Variants in GIT1 observed in about 807,000 individuals in gnomAD.
GIT1 encodes GIT ArfGAP 1, also known as ARF GTPase-activating protein GIT1.
GIT1 carries 14 observed loss-of-function variants against 91.7 expected under a neutral mutation model. The observed-to-expected ratio is 0.15, with a 90% CI of 0.10 to 0.24. GIT1 has a LOEUF of 0.24. GIT1 is among the 10% of genes least tolerant of loss of function. The probability of loss-of-function intolerance (pLI) is 1.00; values close to 1 mark genes in which losing one functional copy is unlikely to be tolerated. For synonymous variants in GIT1, 414 were observed against 418.2 expected, an observed-to-expected ratio of 0.99 and a Z score of 0.12; for missense variants, 717 against 1,024.9, an observed-to-expected ratio of 0.70 and a Z score of 4.10.
chr17:29,577,194 G>A lies in GIT1; in HGVS notation c.1035C>T (p.Ile345=), dbSNP rs368446832. The A allele has an allele frequency of 3.7e-6, 6 of 1,613,966 alleles. No individual in the cohort carries two copies. The highest frequency in any genetic ancestry group is 1.1e-5 in the South Asian group (1 of 91,084). Residue 345 remains isoleucine, a synonymous_variant, in exon 11 of 20, where the codon ATC becomes ATT. Transcript: ENST00000225394. ...TCCGCTTGGCCTCACTGAGAATGTC[G>A]ATGATCAAGGTGGCAAACTCTCGGG... ...FNAREFATLI[I]DILSEAKRRQ...
At chr17:29,577,990 C>T (rs1042560304) in intron 9 of GIT1, among the ~76,000 whole-genome samples, 9 of 152,224 alleles carry the variant, frequency 5.9e-5, no homozygotes, top group Admixed American at 5.9e-4. Context: ...GGCTGGAATC[C>T]GGCTGTGGCC....
chr17:29,575,750 A>G lies in GIT1; in HGVS notation c.1753-47T>C. On this transcript the variant is annotated intron_variant, in intron 16 of 19. Coordinates refer to ENST00000225394, the MANE Select transcript of GIT1 (RefSeq NM_014030.4). This position sits in a 1 kb window ranked among gnomAD's most constrained non-coding sequence, Gnocchi z 5.5. ...CTGTGAGCGCCGTGTTCCTGGACCC[A>G]CACTGCCCCTAGCCCACACGGCCCC... The G allele has an allele frequency of 6.3e-7, 1 of 1,599,338 alleles. No individual in the cohort carries two copies. Among genetic ancestry groups the G allele is most frequent in the Non-Finnish European group, 8.5e-7 (1 of 1,174,094 alleles).
At position 29,575,027 on chromosome 17, in the gene GIT1, C is replaced by G; in HGVS notation, c.2073+52G>C. On this transcript the variant is annotated intron_variant, in intron 19 of 19. Transcript: ENST00000225394. This position sits in a 1 kb window ranked among gnomAD's most constrained non-coding sequence, Gnocchi z 5.5. ...AGCGATCAGATGGGATTCTCCACGC[C>G]TGCCCCAGCTCGAGGCCCTCCCACT... The G allele has an allele frequency of 6.7e-7, 1 of 1,499,252 alleles. No homozygotes were observed. The highest frequency in any genetic ancestry group is 1.2e-5 in the South Asian group (1 of 81,790). 92.9% of individuals were successfully genotyped at this position (1,499,252 alleles called of 1,614,324 possible). A position where few individuals can be genotyped will look rare whatever the true frequency, so the allele number is the denominator to read the frequency against.
chr17:29,577,778 G>T, intron 9 of GIT1, 36 bp from the exon 10 acceptor site: 1 of 1,332,864 alleles, frequency 7.5e-7, no homozygotes, highest in Non-Finnish European at 1.1e-6. Flanking sequence ...CAGCCACGGT[G>T]GCCAGGCCCC....
chr17:29,589,414 G>C lies in GIT1; in HGVS notation c.-36C>G, dbSNP rs1300721385. The C allele has an allele frequency of 2.1e-6, 2 of 934,304 alleles. No homozygotes were observed. The highest frequency in any genetic ancestry group is 1.2e-4 in the East Asian group (1 of 8,674). The allele number at this position is 934,304 out of a possible 1,614,324, so 57.9% of individuals were successfully genotyped here. A position where few individuals can be genotyped will look rare whatever the true frequency, so the allele number is the denominator to read the frequency against. On this transcript the variant is annotated 5_prime_UTR_variant, in exon 1 of 20. Coordinates refer to ENST00000225394, the MANE Select transcript of GIT1 (RefSeq NM_014030.4). This position sits in a 1 kb window ranked among gnomAD's most constrained non-coding sequence, Gnocchi z 5.2. ...GACGCGGCCGCAGCCCTCTGGGCCA[G>C]CGTGGGGGGCGCGGGCGGCGGGCCC...
At chr17:29,585,625 C>T (rs2150852663) in intron 1 of GIT1, among the ~76,000 whole-genome samples, 1 of 152,272 alleles carries the variant, frequency 6.6e-6, no homozygotes, top group African/African-American at 2.4e-5. Context: ...AGGACACTGT[C>T]CTGGTCTGGG....
chr17:29,580,663 A>G lies in GIT1; in HGVS notation c.761+675T>C, dbSNP rs1040689382. Among the ~76,000 whole-genome samples the G allele has an allele frequency of 2.0e-5, 3 of 151,996 alleles. No individual in the cohort carries two copies. The East Asian group carries it at 5.8e-4, about 29-fold the overall frequency. On this transcript the variant is annotated intron_variant, in intron 7 of 19. Coordinates refer to ENST00000225394, the MANE Select transcript of GIT1 (RefSeq NM_014030.4). ...AAAGTTAGTCACATCCCTGAAGCCCACCCATCTTTTCAGCGAAGAGCAGAG... is the reference window on the plus strand; with the variant it reads ...AAAGTTAGTCACATCCCTGAAGCCCGCCCATCTTTTCAGCGAAGAGCAGAG...
At position 29,575,013 on chromosome 17, in the gene GIT1, G is replaced by A. The variant is rs772980806; in HGVS notation, c.2073+66C>T. On this transcript the variant is annotated intron_variant, in intron 19 of 19. Coordinates refer to ENST00000225394, the MANE Select transcript of GIT1 (RefSeq NM_014030.4). This position sits in a 1 kb window ranked among gnomAD's most constrained non-coding sequence, Gnocchi z 5.5. The stretch of plus-strand genomic sequence containing the variant: ...GTCTCCACCCAGGTAGCGATCAGAT[G>A]GGATTCTCCACGCCTGCCCCAGCTC... 3 of 1,479,314 alleles carry A rather than the reference G, an allele frequency of 2.0e-6. No individual in the cohort carries two copies. The highest frequency in any genetic ancestry group is 2.3e-5 in the East Asian group (1 of 43,646). 91.6% of individuals were successfully genotyped at this position (1,479,314 alleles called of 1,614,324 possible). A position where few individuals can be genotyped will look rare whatever the true frequency, so the allele number is the denominator to read the frequency against.
Position 29,581,493 on chromosome 17 carries a change from T to C in GIT1, c.719-113A>G. ...GGCACCCAGAAGTGTCAGGGGAAAG[T>C]GGGGAGGGCAGGCCACCCCCAAGAA... On this transcript the variant is annotated intron_variant, in intron 6 of 19. Transcript: ENST00000225394. The surrounding 1 kb of genome is among the most constrained non-coding windows in gnomAD (Gnocchi z 4.8). The C allele has an allele frequency of 3.3e-6, 3 of 904,590 alleles. No homozygotes were observed. The highest frequency in any genetic ancestry group is 5.5e-6 in the Non-Finnish European group (3 of 548,904). The allele number at this position is 904,590 out of a possible 1,614,324, so 56.0% of individuals were successfully genotyped here.
At chr17:29,586,538 C>G (rs1355638921) in intron 1 of GIT1, among the ~76,000 whole-genome samples, 3 of 152,194 alleles carry the variant, frequency 2.0e-5, no homozygotes, top group African/African-American at 7.2e-5. Flanking sequence ...CACACAAATT[C>G]TACCTCCATA....
In GIT1 at chr17:29,589,404, C is replaced by T; in HGVS notation, c.-26G>A. ...CCTCAGCGGCGACGCGGCCGCAGCC[C>T]TCTGGGCCAGCGTGGGGGGCGCGGG... is the stretch of plus-strand genomic sequence containing the variant. On this transcript the variant is annotated 5_prime_UTR_variant, in exon 1 of 20. Transcript: ENST00000225394. The surrounding 1 kb of genome is among the most constrained non-coding windows in gnomAD (Gnocchi z 5.2). The T allele has an allele frequency of 1.0e-6, 1 of 995,672 alleles. No homozygotes were observed. Among genetic ancestry groups the T allele is most frequent in the African/African-American group, 1.8e-5 (1 of 57,016 alleles). 61.7% of individuals were successfully genotyped at this position (995,672 alleles called of 1,614,324 possible).
At position 29,575,697 on chromosome 17, in the gene GIT1, G is replaced by A; in HGVS notation, c.1759C>T (p.Leu587Phe). The change falls in exon 17 of 20, where the codon CTT (leucine) becomes TTT (phenylalanine). Residue 587 changes from leucine to phenylalanine, a missense_variant. By Grantham distance (22) the Leu-to-Phe change is conservative. Transcript: ENST00000225394. This position sits in a 1 kb window ranked among gnomAD's most constrained non-coding sequence, Gnocchi z 5.5. The stretch of plus-strand genomic sequence containing the variant: ...TCGGCTCCACTGCCGTGGCGGGAAA[G>A]CTTGCTCTGGAGGGCGGAGGGAAGG... The part of the protein sequence containing the change: ...SQEGSRHTSK[L>F]SRHGSGADSD... The A allele has an allele frequency of 6.2e-7, 1 of 1,612,314 alleles. No homozygotes were observed.
chr17:29,577,049 T>G, intron 11 of GIT1, 53 bp from the exon 12 acceptor site: 3 of 1,607,246 alleles, frequency 1.9e-6, no homozygotes, highest in Non-Finnish European at 2.5e-6. Flanking sequence ...AACCCATCTC[T>G]CAGGTCACCA....
At chr17:29,588,391 T>C (rs928274286) in intron 1 of GIT1, among the ~76,000 whole-genome samples, 3 of 152,164 alleles carry the variant, frequency 2.0e-5, no homozygotes, top group East Asian at 3.8e-4. Flanking sequence ...CTTGGATCAT[T>C]ACCCCTGACT....
rs1327497422 is a variant in GIT1 at position 29,574,152 on chromosome 17, G to GTGTT, written c.*546_*549dup. 3.3e-5 allele frequency: 5 copies of GTGTT among 152,466 alleles called. No homozygotes were observed. The highest frequency in any genetic ancestry group is 9.6e-5 in the African/African-American group (4 of 41,520). 9.4% of individuals were successfully genotyped at this position (152,466 alleles called of 1,614,324 possible). A position where few individuals can be genotyped will look rare whatever the true frequency, so the allele number is the denominator to read the frequency against. On this transcript the variant is annotated 3_prime_UTR_variant, in exon 20 of 20. Coordinates refer to ENST00000225394, the MANE Select transcript of GIT1 (RefSeq NM_014030.4). ...AGAAAAAAAAAAAACAGACTTTCCA[G>GTGTT]TGTTTGCTGCTGGGGACCCCAGCAC...
Position 29,576,932 on chromosome 17 carries a change from C to T in GIT1, c.1158G>A (p.Val386=). The change falls in exon 12 of 20, where the codon GTG becomes GTA. Residue 386 remains valine (V), a synonymous_variant. Coordinates refer to ENST00000225394, the MANE Select transcript of GIT1 (RefSeq NM_014030.4). Reference sequence around the variant, plus strand: ...CCTGGTCTGTGTCCTCGTCAGAGGCCACGCTGTCGTAGTCGTGTTGGTCGT... The same window carrying T: ...CCTGGTCTGTGTCCTCGTCAGAGGCTACGCTGTCGTAGTCGTGTTGGTCGT... The part of the protein sequence containing the change: ...DLDDQHDYDS[V]ASDEDTDQEP... The T allele has an allele frequency of 6.3e-7, 1 of 1,591,444 alleles. No homozygotes were observed. The highest frequency in any genetic ancestry group is 8.5e-7 in the Non-Finnish European group (1 of 1,172,308).
At position 29,575,748 on chromosome 17, in the gene GIT1, CCA is replaced by C. The variant is rs756924655; in HGVS notation, c.1753-47_1753-46del. ...GGCTGTGAGCGCCGTGTTCCTGGAC[CCA>C]CACTGCCCCTAGCCCACACGGCCCC... On this transcript the variant is annotated intron_variant, in intron 16 of 19. Coordinates refer to ENST00000225394, the MANE Select transcript of GIT1 (RefSeq NM_014030.4). The surrounding 1 kb of genome is among the most constrained non-coding windows in gnomAD (Gnocchi z 5.5). 6.3e-7 allele frequency: 1 copy of C among 1,598,602 alleles called. No homozygotes were observed. Among genetic ancestry groups the C allele is most frequent in the South Asian group, 1.1e-5 (1 of 90,926 alleles).
In GIT1 at chr17:29,576,080, G is replaced by C; in HGVS notation, c.1663C>G (p.Arg555Gly). ...YSVHVPAGLY[R>G]IRKGVSASAV... ...GGACACGCCTTCCCCAGGCTTACCC[G>C]GTAAAGGCCAGCAGGGACGTGCACT... The change falls in exon 15 of 20, where the codon CGG becomes GGG. Residue 555 changes from arginine to glycine, a missense_variant and splice_region_variant. This residue lies in a region of GIT1 where 312 missense variants were observed against 349.5 expected (regional missense o/e 0.89). Coordinates refer to ENST00000225394, the MANE Select transcript of GIT1 (RefSeq NM_014030.4). The C allele has an allele frequency of 6.2e-7, 1 of 1,613,610 alleles. No individual in the cohort carries two copies. Among genetic ancestry groups the C allele is most frequent in the Non-Finnish European group, 8.5e-7 (1 of 1,179,796 alleles).
chr17:29,581,929 G>A lies in GIT1; in HGVS notation c.621C>T (p.Ala207=). The A allele has an allele frequency of 6.2e-7, 1 of 1,611,476 alleles. No homozygotes were observed. Among genetic ancestry groups the A allele is most frequent in the Non-Finnish European group, 8.5e-7 (1 of 1,178,908 alleles). Residue 207 remains alanine, a splice_region_variant and synonymous_variant, in exon 5 of 20, where the codon GCC becomes GCT. Coordinates refer to ENST00000225394, the MANE Select transcript of GIT1 (RefSeq NM_014030.4). This position sits in a 1 kb window ranked among gnomAD's most constrained non-coding sequence, Gnocchi z 4.8. ...DVNGRTPIDY[A]RQAGHHELAE... is the part of the protein sequence containing the mutation. ...TGCACCCTTCAGCCGACCCTCACCT[G>A]GCATAGTCAATGGGTGTGCGGCCAT...
Sources: allele counts gnomAD v4.1 joint callset (sites outside exome capture counted in the v4.1 genomes callset), GRCh38; gene constraint gnomAD v4.1.1; regional missense constraint gnomAD v4.1.1; non-coding constraint Gnocchi (gnomAD v3.1); transcripts MANE v1.5; gene names NCBI Gene and HGNC (gene_info 2026-07-23, HGNC 2026-07-21).